Variants in TRAK2 observed in about 807,000 individuals in gnomAD.
The protein encoded by TRAK2 is trafficking kinesin protein 2.
A neutral mutation model predicts 104.6 loss-of-function variants in TRAK2; 81 were observed. That is an observed-to-expected ratio of 0.77 (90% CI 0.65 to 0.93). The LOEUF is 0.93. TRAK2 is among the 40% of genes least tolerant of loss of function. The pLI is 0.00. For missense variants in TRAK2, 1,002 were observed against 1,089.0 expected (o/e 0.92, Z 1.12); for synonymous variants, 406 against 394.4 (o/e 1.03, Z -0.35).
At chr2:201,381,933 A>C (rs1951348889) in intron 15 of TRAK2, among the ~76,000 whole-genome samples, 1 of 152,214 alleles carries the variant, frequency 6.6e-6, no homozygotes, top group Non-Finnish European at 1.5e-5. Context: ...ATTCAGTAAT[A>C]CTTCTTCAGT....
chr2:201,426,030 T>C (rs757360190), intron 1 of TRAK2, among the ~76,000 whole-genome samples: 1 of 152,252 alleles, frequency 6.6e-6, no homozygotes, highest in African/African-American at 2.4e-5. Context: ...AAATTTTATA[T>C]GTTTCGCCTA....
intron 13 of TRAK2, among the ~76,000 whole-genome samples, chr2:201,386,779 A>T (rs1559437314): frequency 6.6e-6 from 1 of 152,206 alleles, no homozygotes; most frequent in East Asian, 1.9e-4. Context: ...GCAGTGATGG[A>T]AGATACGTGC....
intron 7 of TRAK2, among the ~76,000 whole-genome samples, chr2:201,396,799 TG>T (rs1315223406): frequency 6.6e-6 from 1 of 152,132 alleles, no homozygotes; most frequent in East Asian, 1.9e-4. Flanking sequence ...ATTCATATCC[TG>T]GGAAGTATGG....
rs1282632365 is a variant in TRAK2 at position 201,384,158 on chromosome 2, G to A, written c.2022C>T (p.Thr674=). 1.2e-6 allele frequency: 2 copies of A among 1,613,472 alleles called. No homozygotes were observed. Among genetic ancestry groups the A allele is most frequent in the East Asian group, 2.2e-5 (1 of 44,856 alleles). The change falls in exon 15 of 16, where the codon ACC becomes ACT. Residue 674 remains threonine, a synonymous_variant. Coordinates refer to ENST00000332624, the MANE Select transcript of TRAK2 (RefSeq NM_015049.3). The part of the protein sequence containing the change: ...LSCTNSTFTF[T]TCRILHPSDI... ...CAGAGGGATGTAATATTCTACAGGT[G>A]GTGAAAGTGAATGTTGAGTTTGTGC...
At position 201,407,406 on chromosome 2, in the gene TRAK2, T is replaced by C. The variant is rs749609159; in HGVS notation, c.283A>G (p.Met95Val). ...AAAGAGTAAAAAAAATACTCACTCATGTAACGGAAAGTCTCTTCAGCAAGG... is the reference window on the plus strand; with the variant it reads ...AAAGAGTAAAAAAAATACTCACTCACGTAACGGAAAGTCTCTTCAGCAAGG... ...PVLAEETFRY[M>V]ILGTDRVEQM... Residue 95 changes from methionine to valine, a missense_variant, in exon 3 of 16, where the codon ATG (methionine) becomes GTG (valine). By Grantham distance (21) the Met-to-Val change is conservative. Transcript: ENST00000332624. 3 of 1,612,596 alleles carry C rather than the reference T, an allele frequency of 1.9e-6. No individual in the cohort carries two copies. Among genetic ancestry groups the C allele is most frequent in the East Asian group, 4.5e-5 (2 of 44,824 alleles).
At position 201,389,252 on chromosome 2, in the gene TRAK2, G is replaced by A. The variant is rs144571074; in HGVS notation, c.1397+48C>T. 9.5e-4 allele frequency: 1,459 copies of A among 1,540,884 alleles called. 2 individuals carry two copies. The highest frequency in any genetic ancestry group is 1.1e-3 in the Non-Finnish European group (1,263 of 1,113,638). On this transcript the variant is annotated intron_variant, in intron 12 of 15. Coordinates refer to ENST00000332624, the MANE Select transcript of TRAK2 (RefSeq NM_015049.3). ...GAATGTGCGTATGTGAATCTGGTGC[G>A]GCAATGTGAAAAGAAATGCAGAATC... is the stretch of plus-strand genomic sequence containing the variant.
At chr2:201,397,395 G>T in intron 7 of TRAK2, 107 bp downstream of exon 7, 1 of 677,376 alleles carries the variant, frequency 1.5e-6, no homozygotes, top group Non-Finnish European at 2.5e-6. Context: ...ATTTAAAATT[G>T]TTTCTTGAGA....
chr2:201,395,482 T>C, intron 7 of TRAK2, 38 bp from the exon 8 acceptor site: 2 of 1,473,866 alleles, frequency 1.4e-6, no homozygotes, highest in Admixed American at 1.9e-5. Flanking sequence ...TTAATACAAA[T>C]GTAGAGAAGG....
Position 201,420,473 on chromosome 2 carries a change from G to A in TRAK2, c.35C>T (p.Pro12Leu). 1.2e-6 allele frequency: 2 copies of A among 1,614,044 alleles called. No homozygotes were observed. Among genetic ancestry groups the A allele is most frequent in the Non-Finnish European group, 1.7e-6 (2 of 1,179,974 alleles). ...SQSQNAIFTS[P>L]TGEENLMNSN... ...ATTCATGAGGTTTTCTTCACCTGTT[G>A]GTGATGTAAAAATTGCATTCTGGGA... The change falls in exon 2 of 16, where the codon CCA (proline) becomes CTA (leucine). Residue 12 changes from proline to leucine, a missense_variant. Pro to Leu is a moderately conservative substitution (Grantham distance 98). Coordinates refer to ENST00000332624, the MANE Select transcript of TRAK2 (RefSeq NM_015049.3).
Position 201,387,966 on chromosome 2 carries a change from C to T in TRAK2, c.1433G>A (p.Gly478Glu). ...SQKMGQPGPS[G>E]DSDLATALHR... is the part of the protein sequence containing the mutation. ...CAGTGCTGTAGCCAAATCACTATCT[C>T]CTGAGGGTCCTGGTTGGCCCATCTT... The change falls in exon 13 of 16, where the codon GGA becomes GAA. Residue 478 changes from glycine to glutamate, a missense_variant. Coordinates refer to ENST00000332624, the MANE Select transcript of TRAK2 (RefSeq NM_015049.3). 1 of 1,614,104 alleles carries T rather than the reference C, an allele frequency of 6.2e-7. No homozygotes were observed. The highest frequency in any genetic ancestry group is 8.5e-7 in the Non-Finnish European group (1 of 1,180,002).
chr2:201,395,916 C>T (rs967612039), intron 7 of TRAK2, among the ~76,000 whole-genome samples: 1 of 152,152 alleles, frequency 6.6e-6, no homozygotes, highest in African/African-American at 2.4e-5. Flanking sequence ...CAATCTATAA[C>T]AGAATGTGAT....
chr2:201,412,238 C>T (rs1265730222), intron 2 of TRAK2: 19 of 991,366 alleles, frequency 1.9e-5, no homozygotes, highest in Non-Finnish European at 3.1e-5. Context: ...GGCAGTAGAA[C>T]CTTTGGCAGT....
intron 3 of TRAK2, among the ~76,000 whole-genome samples, chr2:201,404,681 C>T (rs1951578025): frequency 1.3e-5 from 2 of 152,166 alleles, no homozygotes; most frequent in South Asian, 4.1e-4. Flanking sequence ...TGTCCCTTCT[C>T]AAGATCTAAA....
Position 201,395,431 on chromosome 2 carries a change from A to T in TRAK2, c.783T>A (p.Ala261=), listed in dbSNP as rs766388771. 6.5e-7 allele frequency: 1 copy of T among 1,540,506 alleles called. No homozygotes were observed. Among genetic ancestry groups the T allele is most frequent in the South Asian group, 1.3e-5 (1 of 79,652 alleles). ...DCVKELRETN[A]QMSRMTEELS... ...ATTCTTCAGTCATTCTGGACATCTG[A>T]GCATTTGTTTCACCTTGGAAGCAAA... Residue 261 remains alanine, a synonymous_variant, in exon 8 of 16, where the codon GCT becomes GCA. Transcript: ENST00000332624.
chr2:201,415,371 C>T (rs1335661059), intron 2 of TRAK2, among the ~76,000 whole-genome samples: 1 of 151,898 alleles, frequency 6.6e-6, no homozygotes, highest in Non-Finnish European at 1.5e-5. Context: ...CAAAAATAAA[C>T]AAAATGTAAT....
chr2:201,417,743 T>C (rs990577440), intron 2 of TRAK2, among the ~76,000 whole-genome samples: 34 of 152,172 alleles, frequency 2.2e-4, no homozygotes, highest in Admixed American at 2.0e-4. Flanking sequence ...GAAAAATAAA[T>C]AAAAGGCATC....
intron 2 of TRAK2, chr2:201,413,426 T>C: frequency 7.5e-6 from 3 of 402,180 alleles, no homozygotes; most frequent in Non-Finnish European, 4.4e-6. Context: ...CCTTCACACG[T>C]GGCAGCTGGA....
In TRAK2 at chr2:201,384,247, G is replaced by A; in HGVS notation, c.1964-31C>T. ...ATAGATTTTTAGGGAGCAAATACAA[G>A]ATTGAAAGTCTAGATTAATAATGTA... is the stretch of plus-strand genomic sequence containing the variant. On this transcript the variant is annotated intron_variant, in intron 14 of 15. Transcript: ENST00000332624. 4 of 1,476,306 alleles carry A rather than the reference G, an allele frequency of 2.7e-6. No individual in the cohort carries two copies. The Middle Eastern group carries it at 5.2e-4, about 191-fold the overall frequency. The allele number at this position is 1,476,306 out of a possible 1,614,324, so 91.5% of individuals were successfully genotyped here.
rs975484867 is a variant in TRAK2 at position 201,377,446 on chromosome 2, A to G, written c.*3097T>C. The G allele has an allele frequency of 1.3e-5, 2 of 152,228 alleles. No homozygotes were observed. Among genetic ancestry groups the G allele is most frequent in the African/African-American group, 4.8e-5 (2 of 41,458 alleles). The allele number at this position is 152,228 out of a possible 1,614,324, so 9.4% of individuals were successfully genotyped here. A position where few individuals can be genotyped will look rare whatever the true frequency, so the allele number is the denominator to read the frequency against. ...GAGTACAGGTCTGCATGCATCTGAC[A>G]TCAGAGAAGTGGCCCACTAAACACT... is the stretch of plus-strand genomic sequence containing the variant. On this transcript the variant is annotated 3_prime_UTR_variant, in exon 16 of 16. Transcript: ENST00000332624.
Sources: allele counts gnomAD v4.1 joint callset (sites outside exome capture counted in the v4.1 genomes callset), GRCh38; gene constraint gnomAD v4.1.1; transcripts MANE v1.5; gene names NCBI Gene and HGNC (gene_info 2026-07-23, HGNC 2026-07-21).